Variants in DOCK6 observed in about 807,000 individuals in gnomAD.
The protein encoded by DOCK6 is dedicator of cytokinesis protein 6.
In DOCK6, 167 loss-of-function variants were observed where a neutral mutation model predicts 230.3. The ratio of observed to expected loss-of-function variants is 0.73; its 90% CI spans 0.64 to 0.82. The LOEUF (loss-of-function observed/expected upper bound fraction) is 0.82. DOCK6 is among the 40% of genes least tolerant of loss of function. DOCK6 has a pLI of 0.00. For synonymous variants in DOCK6, 1,148 were observed against 1,185.0 expected, an observed-to-expected ratio of 0.97 and a Z score of 0.64; for missense variants, 2,598 against 2,825.8, an observed-to-expected ratio of 0.92 and a Z score of 1.83.
At position 11,226,474 on chromosome 19, in the gene DOCK6, C is replaced by A. The variant is rs375318598; in HGVS notation, c.2955+863G>T. Among the ~76,000 whole-genome samples the A allele has an allele frequency of 1.7e-4, 26 of 152,280 alleles. No individual in the cohort carries two copies. The East Asian group carries it at 4.4e-3, about 26-fold the overall frequency. On this transcript the variant is annotated intron_variant, in intron 24 of 47. Coordinates refer to ENST00000294618, the MANE Select transcript of DOCK6 (RefSeq NM_020812.4). ...AGGAGTTCCAGACCAGCCAGGCCAACATGGAGAAACACTGTCTCTACTGAA... is the reference window on the plus strand; with the variant it reads ...AGGAGTTCCAGACCAGCCAGGCCAAAATGGAGAAACACTGTCTCTACTGAA...
At chr19:11,224,214 CTTTT>C (rs1555691471) in intron 24 of DOCK6, among the ~76,000 whole-genome samples, 1 of 142,150 alleles carries the variant, frequency 7.0e-6, no homozygotes, top group African/African-American at 2.6e-5. Context: ...TTCTTTCTTT[CTTTT>C]TTTTTTTTTT....
intron 1 of DOCK6, among the ~76,000 whole-genome samples, chr19:11,258,663 C>A (rs908056880): frequency 6.6e-6 from 1 of 151,872 alleles, no homozygotes; most frequent in Non-Finnish European, 1.5e-5. Flanking sequence ...GAACTCCTGA[C>A]CTCAGGTGAT....
At position 11,215,479 on chromosome 19, in the gene DOCK6, G is replaced by A. The variant is rs759667704; in HGVS notation, c.4022-8C>T. On this transcript the variant is annotated splice_region_variant and splice_polypyrimidine_tract_variant and intron_variant, in intron 31 of 47. Coordinates refer to ENST00000294618, the MANE Select transcript of DOCK6 (RefSeq NM_020812.4). ...TCCCAAACGGGCTCCTCTCTGAGAC[G>A]CGTGGGTGCACGATCACAGATGCGT... 3.9e-5 allele frequency: 63 copies of A among 1,611,132 alleles called. No homozygotes were observed. The highest frequency in any genetic ancestry group is 5.3e-5 in the African/African-American group (4 of 74,860).
chr19:11,249,515 A>C, intron 6 of DOCK6, among the ~76,000 whole-genome samples: 1 of 151,452 alleles, frequency 6.6e-6, no homozygotes. Flanking sequence ...GTCTCAAAAA[A>C]AAAAATTTAT....
At chr19:11,235,851 A>T in intron 20 of DOCK6, 92 bp from the exon 21 acceptor site, 7 of 1,366,056 alleles carry the variant, frequency 5.1e-6, no homozygotes, top group Non-Finnish European at 6.8e-6. Flanking sequence ...GATTTGAGGG[A>T]TCATGTGCTC....
In DOCK6 at chr19:11,202,039, C is replaced by A. The variant is rs374323288; in HGVS notation, c.5538G>T (p.Gly1846=). 3 of 1,614,064 alleles carry A rather than the reference C, an allele frequency of 1.9e-6. No individual in the cohort carries two copies. Among genetic ancestry groups the A allele is most frequent in the South Asian group, 1.1e-5 (1 of 91,090 alleles). Residue 1846 remains glycine, a synonymous_variant, in exon 44 of 48, where the codon GGG becomes GGT. Coordinates refer to ENST00000294618, the MANE Select transcript of DOCK6 (RefSeq NM_020812.4). This position sits in a 1 kb window ranked among gnomAD's most constrained non-coding sequence, Gnocchi z 5.3. ...GCGTGCAGAACAGGAATGTGCGAAG[C>A]CCATAGTTGCGGTCAAAGTAGGTCA... The part of the protein sequence containing the change: ...DRVTYFDRNY[G]LRTFLFCTPF...
At position 11,236,196 on chromosome 19, in the gene DOCK6, A is replaced by T. The variant is rs2079844653; in HGVS notation, c.2392+150T>A. 2.5e-6 allele frequency: 2 copies of T among 786,348 alleles called. No individual in the cohort carries two copies. The highest frequency in any genetic ancestry group is 4.0e-6 in the Non-Finnish European group (2 of 506,082). The allele number at this position is 786,348 out of a possible 1,614,324, so 48.7% of individuals were successfully genotyped here. On this transcript the variant is annotated intron_variant, in intron 20 of 47. Coordinates refer to ENST00000294618, the MANE Select transcript of DOCK6 (RefSeq NM_020812.4). This position sits in a 1 kb window ranked among gnomAD's most constrained non-coding sequence, Gnocchi z 5.2. ...CACCCGGGCCAAAGGGTCACAGAAG[A>T]CCTTCTCTGGGTGCAGGGGACTGGA...
chr19:11,216,296 C>T, intron 30 of DOCK6: 4 of 182,342 alleles, frequency 2.2e-5, no homozygotes, highest in Non-Finnish European at 4.6e-5. Context: ...CCATGCTGCC[C>T]AGGCTGGTCT....
Position 11,202,128 on chromosome 19 carries a change from G to A in DOCK6, c.5452-3C>T. 2 of 1,613,748 alleles carry A rather than the reference G, an allele frequency of 1.2e-6. No homozygotes were observed. Among genetic ancestry groups the A allele is most frequent in the Non-Finnish European group, 1.7e-6 (2 of 1,179,742 alleles). On this transcript the variant is annotated splice_region_variant and splice_polypyrimidine_tract_variant and intron_variant, in intron 43 of 47. Coordinates refer to ENST00000294618, the MANE Select transcript of DOCK6 (RefSeq NM_020812.4). The surrounding 1 kb of genome is among the most constrained non-coding windows in gnomAD (Gnocchi z 5.3). The stretch of plus-strand genomic sequence containing the variant: ...ACATACGTGATCTGGATGTAGGCCT[G>A]GGCGCAGGGTCAGGTGTGAGGATCC...
chr19:11,222,106 C>A lies in DOCK6; in HGVS notation c.3380+3G>T, dbSNP rs762918769. ...CCTGGGGCTAGACAGGAGCTCTGCT[C>A]ACCCTTCAGCCTCAGGTTCGAGGGC... On this transcript the variant is annotated splice_donor_region_variant and intron_variant, in intron 27 of 47. Coordinates refer to ENST00000294618, the MANE Select transcript of DOCK6 (RefSeq NM_020812.4). The surrounding 1 kb of genome is among the most constrained non-coding windows in gnomAD (Gnocchi z 4.0). The A allele has an allele frequency of 6.2e-7, 1 of 1,612,626 alleles. No homozygotes were observed. The highest frequency in any genetic ancestry group is 1.1e-5 in the South Asian group (1 of 90,906).
Position 11,236,980 on chromosome 19 carries a change from C to A in DOCK6, c.2074-101G>T. ...TGCGACACTGCAGCGTGAGTGTAGC[C>A]CGGTCTGGGGGTGCAGCCAAGCACC... is the stretch of plus-strand genomic sequence containing the variant. On this transcript the variant is annotated intron_variant, in intron 18 of 47. Transcript: ENST00000294618. The surrounding 1 kb of genome is among the most constrained non-coding windows in gnomAD (Gnocchi z 5.2). 2 of 1,278,646 alleles carry A rather than the reference C, an allele frequency of 1.6e-6. No individual in the cohort carries two copies. The highest frequency in any genetic ancestry group is 2.1e-6 in the Non-Finnish European group (2 of 931,150). 79.2% of individuals were successfully genotyped at this position (1,278,646 alleles called of 1,614,324 possible). A position where few individuals can be genotyped will look rare whatever the true frequency, so the allele number is the denominator to read the frequency against.
chr19:11,259,867 C>A (rs1488918919), intron 1 of DOCK6, among the ~76,000 whole-genome samples: 5 of 145,372 alleles, frequency 3.4e-5, no homozygotes, highest in Non-Finnish European at 6.0e-5. Flanking sequence ...CAGACCTGGG[C>A]CGCCGCGCCC....
Position 11,237,735 on chromosome 19 carries a change from C to G in DOCK6, c.1877G>C (p.Cys626Ser), listed in dbSNP as rs1266851137. Residue 626 changes from cysteine to serine, a missense_variant, in exon 17 of 48, where the codon TGC becomes TCC. By Grantham distance (112) the Cys-to-Ser change is moderately radical. Coordinates refer to ENST00000294618, the MANE Select transcript of DOCK6 (RefSeq NM_020812.4). Reference protein sequence around the residue: ...YEEFKLHLPACVTENHHLLFT... With the variant: ...YEEFKLHLPASVTENHHLLFT... ...CAGCAGGTGATGGTTCTCTGTCACGCAGGCTGGAAGATGCAGCTTGAACTC... is the reference window on the plus strand; with the variant it reads ...CAGCAGGTGATGGTTCTCTGTCACGGAGGCTGGAAGATGCAGCTTGAACTC... The G allele has an allele frequency of 1.9e-6, 3 of 1,580,076 alleles. No homozygotes were observed. The highest frequency in any genetic ancestry group is 2.6e-6 in the Non-Finnish European group (3 of 1,163,644).
In DOCK6 at chr19:11,215,837, T is replaced by A. The variant is rs750442904; in HGVS notation, c.3985A>T (p.Ile1329Phe). The A allele has an allele frequency of 1.9e-6, 3 of 1,614,018 alleles. No individual in the cohort carries two copies. The highest frequency in any genetic ancestry group is 1.7e-6 in the Non-Finnish European group (2 of 1,179,890). The part of the protein sequence containing the change: ...ARLEEAILGT[I>F]GARQEMVRRS... Reference sequence around the variant, plus strand: ...CGAACCATTTCTTGTCGAGCTCCGATGGTACCCAGAATGGCTTCCTCTAGC... The same window carrying A: ...CGAACCATTTCTTGTCGAGCTCCGAAGGTACCCAGAATGGCTTCCTCTAGC... The change falls in exon 31 of 48, where the codon ATC (isoleucine) becomes TTC (phenylalanine). Residue 1329 changes from isoleucine to phenylalanine, a missense_variant. Ile to Phe is a conservative substitution (Grantham distance 21). Transcript: ENST00000294618.
At chr19:11,239,903 AG>A (rs2079914719) in intron 14 of DOCK6, 1 of 1,591,010 alleles carries the variant, frequency 6.3e-7, no homozygotes, top group Non-Finnish European at 8.6e-7. Context: ...GATGCAGCCC[AG>A]GAACTTCGGG....
rs571054825 is a variant in DOCK6 at position 11,211,233 on chromosome 19, C to A, written c.4751+543G>T. 3.3e-5 allele frequency among the ~76,000 whole-genome samples: 5 copies of A among 151,566 alleles called. No individual in the cohort carries two copies. The East Asian group carries it at 9.7e-4, about 29-fold the overall frequency. On this transcript the variant is annotated intron_variant, in intron 37 of 47. Coordinates refer to ENST00000294618, the MANE Select transcript of DOCK6 (RefSeq NM_020812.4). ...TGTGGAAACTTGAGTCACCTGAACT[C>A]ACTATTTCCCCTTCCTTGTGCACCA...
intron 22 of DOCK6, chr19:11,232,318 C>G (rs1245188863): frequency 2.6e-5 from 34 of 1,285,746 alleles, no homozygotes; most frequent in Non-Finnish European, 3.4e-5. Flanking sequence ...GTGGTAGCAT[C>G]CCCAGTGGAG....
chr19:11,243,067 G>C lies in DOCK6; in HGVS notation c.1472C>G (p.Pro491Arg), dbSNP rs764076173. The C allele has an allele frequency of 1.2e-6, 2 of 1,613,930 alleles. No homozygotes were observed. Among genetic ancestry groups the C allele is most frequent in the Admixed American group, 1.7e-5 (1 of 60,020 alleles). The change falls in exon 13 of 48, where the codon CCT becomes CGT. Residue 491 changes from proline to arginine, a missense_variant. Pro to Arg is a moderately radical substitution (Grantham distance 103). Transcript: ENST00000294618. The surrounding 1 kb of genome is among the most constrained non-coding windows in gnomAD (Gnocchi z 6.3). Reference protein sequence around the residue: ...RPSSLLRRLRPVTAQLKIDIS... With the variant: ...RPSSLLRRLRRVTAQLKIDIS... ...TGGGGTGTGCCACGCACCAGTCACA[G>C]GACGTAGTCGCCGCAGCAGGGACGA...
In DOCK6 at chr19:11,222,716, A is replaced by G; in HGVS notation, c.3240+19T>C. ...AGGTTGTAGGTCAAAGAGAGGAGGC[A>G]GAAGTGAAGGCAGCCCACCTGGGAG... On this transcript the variant is annotated intron_variant, in intron 26 of 47. Transcript: ENST00000294618. The surrounding 1 kb of genome is among the most constrained non-coding windows in gnomAD (Gnocchi z 4.0). 1.3e-6 allele frequency: 2 copies of G among 1,555,182 alleles called. No homozygotes were observed. The highest frequency in any genetic ancestry group is 1.7e-6 in the Non-Finnish European group (2 of 1,147,728).
Sources: gnomAD v4.1 joint callset for allele counts (sites outside exome capture counted in the v4.1 genomes callset) on GRCh38, gnomAD v4.1.1 for gene constraint, Gnocchi (gnomAD v3.1) non-coding constraint, MANE v1.5 for transcripts, NCBI Gene and HGNC (gene_info 2026-07-23, HGNC 2026-07-21) for gene names.